Variants in KLHL13 observed in about 807,000 individuals in gnomAD.
The protein encoded by KLHL13 is kelch-like protein 13.
In KLHL13, 10 loss-of-function variants were observed where a neutral mutation model predicts 37.1. The ratio of observed to expected loss-of-function variants is 0.27; its 90% CI spans 0.17 to 0.46. KLHL13 has a LOEUF of 0.46. Ranked by LOEUF, KLHL13 falls within the 20% of genes least tolerant of loss-of-function variation. The pLI, the probability that KLHL13 is intolerant of heterozygous loss-of-function variation, is 1.00. For missense variants in KLHL13, 360 were observed against 509.3 expected (o/e 0.71, Z 2.82); for synonymous variants, 163 against 181.2 (o/e 0.90, Z 0.81).
At chrX:117,899,253 A>G (rs762852414) in exon 7 of KLHL13, 1 of 1,211,248 alleles carries the variant, frequency 8.3e-7, no homozygotes, top group Non-Finnish European at 1.1e-6. Context: ...AGTGATTGCC[A>G]CCAATGACAT....
chrX:117,943,092 T>C (rs1201649717), intron 2 of KLHL13, among the ~76,000 whole-genome samples: 1 of 111,445 alleles, frequency 9.0e-6, no homozygotes, highest in Admixed American at 9.5e-5. Context: ...TGAAGCTTAG[T>C]TTGGCTGGAT....
In KLHL13 at chrX:117,929,791, A is replaced by AC. The variant is rs1337127262; in HGVS notation, c.241-9422_241-9421insG. On this transcript the variant is annotated intron_variant, in intron 2 of 6. Transcript: ENST00000262820. ...ACATCGTCTCTACAAAAAAAAAAAAAAAAAAAAAAAAAACTTAAATTAAAT... is the reference window on the plus strand; with the variant it reads ...ACATCGTCTCTACAAAAAAAAAAAAACAAAAAAAAAAAAACTTAAATTAAAT... Among the ~76,000 whole-genome samples the AC allele has an allele frequency of 1.8e-3, 192 of 105,467 alleles. 2 individuals are homozygous for AC. The highest frequency in any genetic ancestry group is 6.3e-3 in the African/African-American group (184 of 28,992). The allele number at this position is 105,467 out of a possible 115,157, so 91.6% of individuals were successfully genotyped here.
chrX:117,965,397 T>C (rs1249763873), intron 1 of KLHL13, among the ~76,000 whole-genome samples: 2 of 112,092 alleles, frequency 1.8e-5, no homozygotes, highest in South Asian at 3.7e-4. Context: ...TTTTGAGAAG[T>C]GTCTGTTAAT....
At chrX:118,078,232 G>T (rs760064820) in intron 1 of KLHL13, among the ~76,000 whole-genome samples, 1 of 111,156 alleles carries the variant, frequency 9.0e-6, no homozygotes, top group South Asian at 3.8e-4. Flanking sequence ...AAATCACATG[G>T]GTTTAATTTT....
chrX:118,116,535 C>G (rs1025290563), exon 1 of KLHL13: 1 of 112,417 alleles, frequency 8.9e-6, no homozygotes, highest in Non-Finnish European at 1.9e-5. Flanking sequence ...GGCGTCCCGC[C>G]GCTTGTCCGC....
intron 1 of KLHL13, among the ~76,000 whole-genome samples, chrX:118,057,028 T>C (rs765192442): frequency 8.9e-6 from 1 of 112,323 alleles, no homozygotes; most frequent in Non-Finnish European, 1.9e-5. Context: ...TGGGACTTTT[T>C]TTCAGCAAAG....
rs780532658 is a variant in KLHL13, at chrX:118,020,619, T to C, written c.-55-75044A>G. ...GGGATCTAGAACTAGAAATACCATT[T>C]GACCCAGCCATCCCATTACTGGGTA... On this transcript the variant is annotated intron_variant, in intron 1 of 6. Coordinates refer to the KLHL13 transcript ENST00000371882. 2.7e-5 allele frequency among the ~76,000 whole-genome samples: 3 copies of C among 110,928 alleles called. No individual in the cohort carries two copies. In the South Asian group the frequency reaches 1.2e-3, roughly 43 times the overall value.
intron 1 of KLHL13, among the ~76,000 whole-genome samples, chrX:118,105,457 CTAA>C (rs2055335826): frequency 8.9e-6 from 1 of 112,665 alleles, no homozygotes; most frequent in South Asian, 3.6e-4. Context: ...TAAAGTGGGG[CTAA>C]TAATAGTTTC....
At chrX:118,018,653 T>C (rs762005987) in intron 1 of KLHL13, among the ~76,000 whole-genome samples, 1 of 111,656 alleles carries the variant, frequency 9.0e-6, no homozygotes, top group Non-Finnish European at 1.9e-5. Context: ...ATGGTATGTA[T>C]AACTGTCCAT....
intron 1 of KLHL13, among the ~76,000 whole-genome samples, chrX:118,036,438 G>A (rs766362448): frequency 5.4e-5 from 6 of 110,990 alleles, no homozygotes; most frequent in South Asian, 7.7e-4. Context: ...AAACAACGCC[G>A]CATATCTACA....
chrX:117,978,944 T>C (rs190702323), intron 1 of KLHL13, among the ~76,000 whole-genome samples: 1 of 110,909 alleles, frequency 9.0e-6, no homozygotes, highest in African/African-American at 3.3e-5. Context: ...ATTTTTTTTA[T>C]TTTTGAGACA....
In KLHL13 at chrX:118,043,247, G is replaced by A. The variant is rs191877394; in HGVS notation, c.-56+73261C>T. Reference sequence around the variant, plus strand: ...GTAATGAGATTGCAACTGTAATAAAGTGTCTCCAGCACAGGAAAGTACAGG... The same window carrying A: ...GTAATGAGATTGCAACTGTAATAAAATGTCTCCAGCACAGGAAAGTACAGG... On this transcript the variant is annotated intron_variant, in intron 1 of 6. Transcript: ENST00000371882. Among the ~76,000 whole-genome samples, 39 of 111,690 alleles carry A rather than the reference G, an allele frequency of 3.5e-4. No homozygotes were observed. The East Asian group carries it at 9.0e-3, about 26-fold the overall frequency.
chrX:117,963,564 G>A (rs985641539), intron 1 of KLHL13, among the ~76,000 whole-genome samples: 1 of 106,685 alleles, frequency 9.4e-6, no homozygotes, highest in Non-Finnish European at 1.9e-5. Context: ...ATGATTTATA[G>A]TCCTTTGGGT....
intron 1 of KLHL13, among the ~76,000 whole-genome samples, chrX:117,963,596 C>G (rs1225559823): frequency 1.9e-5 from 2 of 103,433 alleles, no homozygotes; most frequent in South Asian, 4.8e-4. Flanking sequence ...AATGGGATGG[C>G]TGGGTCAAAT....
intron 1 of KLHL13, among the ~76,000 whole-genome samples, chrX:118,052,200 G>A (rs2054621304): frequency 9.0e-6 from 1 of 110,978 alleles, no homozygotes; most frequent in African/African-American, 3.3e-5. Context: ...ATTAAATATT[G>A]CAATATGAAA....
intron 2 of KLHL13, among the ~76,000 whole-genome samples, chrX:117,925,929 C>A (rs955231603): frequency 9.0e-6 from 1 of 111,255 alleles, no homozygotes; most frequent in Non-Finnish European, 1.9e-5. Flanking sequence ...CCCCAACCGC[C>A]ACCTGTCTCA....
chrX:117,985,811 A>G (rs138675726), intron 1 of KLHL13, among the ~76,000 whole-genome samples: 6,599 of 110,115 alleles, frequency 0.06, 485 homozygotes, highest in African/African-American at 0.2. Flanking sequence ...ATTAAGTCCT[A>G]TCTTTTTTTC....
intron 1 of KLHL13, among the ~76,000 whole-genome samples, chrX:118,089,591 AGAGAG>A (rs1308204934): frequency 3.0e-5 from 2 of 67,017 alleles, no homozygotes; most frequent in African/African-American, 1.3e-4. Flanking sequence ...AAAAGAAAAG[AGAGAG>A]AGAGAGAGAG....
At chrX:117,907,801 A>G (rs1450134613) in intron 5 of KLHL13, among the ~76,000 whole-genome samples, 2 of 111,468 alleles carry the variant, frequency 1.8e-5, no homozygotes, top group East Asian at 2.8e-4. Context: ...CAACAAAGAA[A>G]AAAAAACTTT....
Sources: gnomAD v4.1 joint callset for allele counts (sites outside exome capture counted in the v4.1 genomes callset) on GRCh38, gnomAD v4.1.1 for gene constraint, MANE v1.5 for transcripts, NCBI Gene and HGNC (gene_info 2026-07-23, HGNC 2026-07-21) for gene names.